The following PAK3 variants were observed in gnomAD, a reference collection of about 807,000 sequenced individuals.
PAK3 encodes the protein serine/threonine-protein kinase PAK 3.
PAK3 carries 4 observed loss-of-function variants against 41.0 expected under a neutral mutation model. The observed-to-expected ratio is 0.10, with a 90% CI of 0.05 to 0.22. PAK3 has a LOEUF of 0.22. Among genes scored for constraint, PAK3 ranks in the 10% least tolerant of loss-of-function variants. The pLI is 1.00. For missense variants in PAK3, 205 were observed against 409.9 expected (o/e 0.50, Z 4.32); for synonymous variants, 146 against 139.6 (o/e 1.05, Z -0.32).
intron 8 of PAK3, among the ~76,000 whole-genome samples, chrX:111,161,078 C>A (rs1429417187): frequency 6.3e-5 from 7 of 111,386 alleles, no homozygotes; most frequent in Non-Finnish European, 1.1e-4. Flanking sequence ...TTACAATCCC[C>A]CCAACTGTGT....
At chrX:111,012,834 G>A (rs1314393770) in intron 1 of PAK3, among the ~76,000 whole-genome samples, 1 of 111,936 alleles carries the variant, frequency 8.9e-6, no homozygotes, top group Non-Finnish European at 1.9e-5. Context: ...CCAGGCGGGA[G>A]TGTGGTGGTA....
chrX:110,999,923 G>A (rs998737092), intron 1 of PAK3, among the ~76,000 whole-genome samples: 1 of 111,312 alleles, frequency 9.0e-6, no homozygotes, highest in Admixed American at 9.5e-5. Flanking sequence ...AGCTAAGATC[G>A]CGCCACTACA....
chrX:111,062,223 C>T (rs1290854366), intron 1 of PAK3, among the ~76,000 whole-genome samples: 1 of 111,699 alleles, frequency 9.0e-6, no homozygotes, highest in Non-Finnish European at 1.9e-5. Flanking sequence ...TCTAGTACCA[C>T]TGGAATAGTA....
intron 1 of PAK3, among the ~76,000 whole-genome samples, chrX:111,048,105 G>A (rs2092518293): frequency 1.8e-5 from 2 of 110,764 alleles, no homozygotes; most frequent in Admixed American, 9.6e-5. Context: ...TTTTTGTGAA[G>A]GTCACTAGTG....
chrX:111,103,902 G>A (rs60395416), intron 4 of PAK3, among the ~76,000 whole-genome samples: 1 of 111,768 alleles, frequency 8.9e-6, no homozygotes, highest in East Asian at 2.8e-4. Flanking sequence ...GTAGCGTGCA[G>A]GGTAGCACTT....
At chrX:111,045,398 T>C (rs1388178407) in intron 1 of PAK3, among the ~76,000 whole-genome samples, 1 of 112,059 alleles carries the variant, frequency 8.9e-6, no homozygotes. Flanking sequence ...GCACAGCATT[T>C]CTATTGATAT....
chrX:111,193,087 G>A (rs1462929302), intron 13 of PAK3, among the ~76,000 whole-genome samples: 3 of 111,432 alleles, frequency 2.7e-5, no homozygotes, highest in Non-Finnish European at 5.6e-5. Flanking sequence ...TTTATCAGTG[G>A]TATTAACAGT....
intron 1 of PAK3, among the ~76,000 whole-genome samples, chrX:110,999,367 G>T (rs971101164): frequency 1.8e-5 from 2 of 112,019 alleles, no homozygotes; most frequent in African/African-American, 6.5e-5. Context: ...TAAGGTGATG[G>T]GTTGGCCCAG....
At chrX:110,994,078 A>G (rs1369746940) in intron 1 of PAK3, among the ~76,000 whole-genome samples, 1 of 112,189 alleles carries the variant, frequency 8.9e-6, no homozygotes, top group Non-Finnish European at 1.9e-5. Context: ...AATTTATCTC[A>G]TCAATCTCAT....
chrX:111,065,159 C>A (rs1034951488), intron 1 of PAK3, among the ~76,000 whole-genome samples: 3 of 111,947 alleles, frequency 2.7e-5, no homozygotes, highest in African/African-American at 9.7e-5. Context: ...ATGCTTCCAG[C>A]ATTTGTCCAT....
At chrX:110,952,564 C>T (rs2090765615) in intron 1 of PAK3, among the ~76,000 whole-genome samples, 1 of 109,849 alleles carries the variant, frequency 9.1e-6, no homozygotes, top group African/African-American at 3.3e-5. Flanking sequence ...TTAATAATGC[C>T]CTTTGTACTT....
chrX:111,046,315 A>G (rs2092498148), intron 1 of PAK3, among the ~76,000 whole-genome samples: 1 of 111,365 alleles, frequency 9.0e-6, no homozygotes. Context: ...ATGGAATGGT[A>G]TTGTGTAAGG....
At chrX:111,034,251 G>A (rs1309565878) in intron 1 of PAK3, among the ~76,000 whole-genome samples, 2 of 110,297 alleles carry the variant, frequency 1.8e-5, no homozygotes, top group Non-Finnish European at 1.9e-5. Context: ...TGGGGGTCGG[G>A]GAAAGAGAGA....
At chrX:111,047,204 G>T (rs185585854) in intron 1 of PAK3, among the ~76,000 whole-genome samples, 8 of 112,017 alleles carry the variant, frequency 7.1e-5, no homozygotes, top group Non-Finnish European at 1.5e-4. Flanking sequence ...AGACAAAGAG[G>T]ACTAATGCGT....
chrX:111,165,355 A>G (rs1214305609), intron 10 of PAK3, among the ~76,000 whole-genome samples: 2 of 111,892 alleles, frequency 1.8e-5, no homozygotes, highest in Non-Finnish European at 3.8e-5. Flanking sequence ...GCCACTTTAC[A>G]TACATTATCA....
intron 1 of PAK3, among the ~76,000 whole-genome samples, chrX:111,061,200 G>A (rs1247043260): frequency 3.6e-5 from 4 of 112,006 alleles, no homozygotes; most frequent in Non-Finnish European, 7.5e-5. Context: ...TTATTTAAAT[G>A]TATTTTTTAA....
chrX:111,027,373 A>T (rs1569507903), intron 1 of PAK3, among the ~76,000 whole-genome samples: 1 of 112,511 alleles, frequency 8.9e-6, no homozygotes, highest in Non-Finnish European at 1.9e-5. Flanking sequence ...CAGCAGAGTT[A>T]ACAGACAACC....
upstream of PAK3, among the ~76,000 whole-genome samples, chrX:111,093,475 A>G (rs1017989778): frequency 5.4e-5 from 6 of 111,919 alleles, no homozygotes; most frequent in Non-Finnish European, 1.1e-4. Flanking sequence ...AGTTGAGGGG[A>G]AAAATTACAC....
At chrX:111,031,538 G>A (rs1486725183) in intron 1 of PAK3, among the ~76,000 whole-genome samples, 1 of 111,890 alleles carries the variant, frequency 8.9e-6, no homozygotes, top group African/African-American at 3.3e-5. Flanking sequence ...AAAATCAGAG[G>A]TGGGAGCAGC....
Sources: allele counts gnomAD v4.1 joint callset (sites outside exome capture counted in the v4.1 genomes callset), GRCh38; gene constraint gnomAD v4.1.1; transcripts MANE v1.5; gene names NCBI Gene and HGNC (gene_info 2026-07-23, HGNC 2026-07-21).